GRIK1: variants seen among roughly 807,000 people sequenced by gnomAD.
GRIK1 encodes glutamate ionotropic receptor kainate type subunit 1.
Under a neutral mutation model 105.7 loss-of-function variants are expected in GRIK1, and 69 were observed. That is an observed-to-expected ratio of 0.65 (90% CI 0.54 to 0.80). The LOEUF is 0.80. GRIK1 is among the 30% of genes least tolerant of loss of function. GRIK1 has a pLI of 0.00. For missense variants in GRIK1, 1,109 were observed against 1,167.3 expected (o/e 0.95, Z 0.73); for synonymous variants, 438 against 431.3 (o/e 1.02, Z -0.19).
intron 1 of GRIK1, among the ~76,000 whole-genome samples, chr21:29,710,859 C>G (rs1026680539): frequency 6.9e-6 from 1 of 144,868 alleles, no homozygotes; most frequent in African/African-American, 2.6e-5. Flanking sequence ...CCCTCCCTCC[C>G]TCTCTCCCTC....
At chr21:29,837,541 G>A (rs61580672) in intron 1 of GRIK1, among the ~76,000 whole-genome samples, 264 of 152,204 alleles carry the variant, frequency 1.7e-3, no homozygotes, top group African/African-American at 5.8e-3. Context: ...ACCACCAATG[G>A]GGGGGAATGA....
chr21:29,939,863 A>T lies in GRIK1; in HGVS notation c.-363T>A, dbSNP rs537291025. On this transcript the variant is annotated 5_prime_UTR_variant, in exon 1 of 18. Coordinates refer to ENST00000327783, the MANE Select transcript of GRIK1 (RefSeq NM_001330994.2). The stretch of plus-strand genomic sequence containing the variant: ...TCTCCCTCATTCGTCCTTTGGTCAG[A>T]TGCAAAAGTCGGGGGATAGGCACAG... The T allele has an allele frequency of 2.1e-4, 40 of 192,346 alleles. No individual in the cohort carries two copies. The highest frequency in any genetic ancestry group is 2.6e-4 in the Non-Finnish European group (25 of 94,486). 11.9% of individuals were successfully genotyped at this position (192,346 alleles called of 1,614,324 possible). A position where few individuals can be genotyped will look rare whatever the true frequency, so the allele number is the denominator to read the frequency against.
chr21:29,933,389 C>T (rs1405734828), intron 1 of GRIK1, among the ~76,000 whole-genome samples: 1 of 152,094 alleles, frequency 6.6e-6, no homozygotes, highest in African/African-American at 2.4e-5. Context: ...TTGAGTGGGA[C>T]ATTAATAGCT....
chr21:29,581,617 G>A (rs1368527707), intron 12 of GRIK1, 74 bp from the exon 13 acceptor site: 1 of 791,926 alleles, frequency 1.3e-6, no homozygotes, highest in Admixed American at 2.0e-5. Flanking sequence ...AAAACCTGCT[G>A]AGCAATGCAG....
At chr21:29,843,363 AT>A (rs1043018670) in intron 1 of GRIK1, among the ~76,000 whole-genome samples, 1 of 152,064 alleles carries the variant, frequency 6.6e-6, no homozygotes, top group South Asian at 2.1e-4. Context: ...TTGTTCATTT[AT>A]TTTTGTTTTT....
chr21:29,687,181 A>T (rs924493087), intron 3 of GRIK1, among the ~76,000 whole-genome samples: 1 of 152,208 alleles, frequency 6.6e-6, no homozygotes, highest in Non-Finnish European at 1.5e-5. Flanking sequence ...CAATGGGAGT[A>T]ATGGGCCATT....
chr21:29,929,305 T>C (rs780638257), intron 1 of GRIK1, among the ~76,000 whole-genome samples: 8 of 152,184 alleles, frequency 5.3e-5, no homozygotes, highest in Non-Finnish European at 1.0e-4. Flanking sequence ...GCTTTAATAA[T>C]CGAGAATCTA....
intron 7 of GRIK1, among the ~76,000 whole-genome samples, chr21:29,614,402 CTTTTTTTTTTTTTTTTTT>C (rs35063316): frequency 3.6e-5 from 3 of 83,072 alleles, no homozygotes; most frequent in Admixed American, 1.4e-4. Context: ...TAAAATCCCT[CTTTTTTTTTTTTTTTTTT>C]TTTTTTTTTT....
At chr21:29,835,167 T>C (rs2067754973) in intron 1 of GRIK1, among the ~76,000 whole-genome samples, 1 of 152,166 alleles carries the variant, frequency 6.6e-6, no homozygotes, top group African/African-American at 2.4e-5. Context: ...GTGTTTGTAT[T>C]TTGTGTACTT....
chr21:29,790,470 T>G (rs1237829580), intron 1 of GRIK1, among the ~76,000 whole-genome samples: 1 of 152,052 alleles, frequency 6.6e-6, no homozygotes, highest in Non-Finnish European at 1.5e-5. Context: ...TTTCTTTTTT[T>G]TTTTTGAGAC....
intron 1 of GRIK1, among the ~76,000 whole-genome samples, chr21:29,809,969 G>T (rs1369019698): frequency 1.3e-5 from 2 of 152,044 alleles, no homozygotes; most frequent in African/African-American, 4.8e-5. Context: ...GTCTCATATT[G>T]GTGCCTCAAA....
intron 16 of GRIK1, chr21:29,553,300 G>A (rs775540415): frequency 1.6e-5 from 17 of 1,084,560 alleles, no homozygotes; most frequent in African/African-American, 1.6e-5. Flanking sequence ...GAACTAAGAT[G>A]ATGAGTGGGA....
At chr21:29,684,092 A>G (rs552520283) in intron 3 of GRIK1, among the ~76,000 whole-genome samples, 5 of 152,230 alleles carry the variant, frequency 3.3e-5, no homozygotes, top group African/African-American at 1.2e-4. Flanking sequence ...CCTTCATAAC[A>G]TTTTCTACTG....
chr21:29,782,217 G>A (rs1209054927), intron 1 of GRIK1, among the ~76,000 whole-genome samples: 1 of 151,422 alleles, frequency 6.6e-6, no homozygotes, highest in African/African-American at 2.4e-5. Flanking sequence ...CTCCCGAGCA[G>A]CTGGGACTGC....
intron 1 of GRIK1, among the ~76,000 whole-genome samples, chr21:29,869,958 T>G (rs1162100533): frequency 1.3e-5 from 2 of 152,200 alleles, no homozygotes; most frequent in African/African-American, 4.8e-5. Context: ...AAACTAGGAC[T>G]GTCAGGTTGA....
At chr21:29,819,390 G>T (rs1024797781) in intron 1 of GRIK1, among the ~76,000 whole-genome samples, 1 of 151,922 alleles carries the variant, frequency 6.6e-6, no homozygotes, top group Non-Finnish European at 1.5e-5. Context: ...ATAGACACTT[G>T]TTTACTTCAA....
At chr21:29,590,001 C>T (rs773326716) in intron 10 of GRIK1, among the ~76,000 whole-genome samples, 1 of 152,188 alleles carries the variant, frequency 6.6e-6, no homozygotes, top group African/African-American at 2.4e-5. Flanking sequence ...ATACGTGCAT[C>T]ATCAGTCCCC....
At chr21:29,766,921 C>CAA (rs2065681912) in intron 1 of GRIK1, among the ~76,000 whole-genome samples, 2 of 152,226 alleles carry the variant, frequency 1.3e-5, no homozygotes, top group Non-Finnish European at 2.9e-5. Context: ...GCATGAAAGG[C>CAA]TCTGTTATGG....
At chr21:29,909,400 TCTG>T (rs1348873883) in intron 1 of GRIK1, among the ~76,000 whole-genome samples, 2 of 151,868 alleles carry the variant, frequency 1.3e-5, no homozygotes, top group African/African-American at 2.4e-5. Flanking sequence ...CTGAGAGATC[TCTG>T]GTCATTAATA....
Sources: allele counts gnomAD v4.1 joint callset (sites outside exome capture counted in the v4.1 genomes callset), GRCh38; gene constraint gnomAD v4.1.1; transcripts MANE v1.5; gene names NCBI Gene and HGNC (gene_info 2026-07-23, HGNC 2026-07-21).